The following ARSB variants were observed in gnomAD, a reference collection of about 807,000 sequenced individuals.
ARSB encodes N-acetylgalactosamine-4-sulfatase.
ARSB carries 41 observed loss-of-function variants against 50.9 expected under a neutral mutation model. That is an observed-to-expected ratio of 0.81 (90% CI 0.63 to 1.04). ARSB has a LOEUF of 1.04. Among genes scored for constraint, ARSB ranks in the 50% least tolerant of loss-of-function variants. The pLI is 0.00. For synonymous variants in ARSB, 269 were observed against 284.8 expected (o/e 0.94, Z 0.56); for missense variants, 672 against 693.3 (o/e 0.97, Z 0.35).
At chr5:78,927,311 C>T (rs1233111746) in intron 4 of ARSB, among the ~76,000 whole-genome samples, 2 of 152,096 alleles carry the variant, frequency 1.3e-5, no homozygotes, top group Non-Finnish European at 2.9e-5. Context: ...TTTACCCTTA[C>T]AGCACATCTC....
chr5:78,842,756 C>T (rs1581028690), intron 5 of ARSB, among the ~76,000 whole-genome samples: 3 of 141,134 alleles, frequency 2.1e-5, no homozygotes, highest in East Asian at 2.0e-4. Context: ...GGTGAGTTTT[C>T]TGTTTTTGTT....
At chr5:78,867,012 C>T (rs570013515) in intron 5 of ARSB, among the ~76,000 whole-genome samples, 2 of 152,314 alleles carry the variant, frequency 1.3e-5, no homozygotes, top group Non-Finnish European at 2.9e-5. Flanking sequence ...CTGGGAAGCG[C>T]AAGGGGTCAG....
At chr5:78,983,127 C>A (rs1039430434) in intron 1 of ARSB, among the ~76,000 whole-genome samples, 2 of 152,142 alleles carry the variant, frequency 1.3e-5, no homozygotes, top group African/African-American at 4.8e-5. Flanking sequence ...GATCTCGGCT[C>A]ACTGCAACCT....
chr5:78,956,222 G>C (rs770459492), intron 3 of ARSB, among the ~76,000 whole-genome samples: 28 of 152,162 alleles, frequency 1.8e-4, no homozygotes, highest in Non-Finnish European at 3.1e-4. Flanking sequence ...CTACAACATA[G>C]ATAAACCTTG....
At chr5:78,896,594 G>T (rs1247476242) in intron 4 of ARSB, among the ~76,000 whole-genome samples, 1 of 152,212 alleles carries the variant, frequency 6.6e-6, no homozygotes, top group Non-Finnish European at 1.5e-5. Context: ...TATAATAATT[G>T]TGTTAGGCTA....
chr5:78,937,447 C>A (rs555216105), intron 4 of ARSB, among the ~76,000 whole-genome samples: 1 of 139,874 alleles, frequency 7.1e-6, no homozygotes, highest in Non-Finnish European at 1.5e-5. Context: ...ATATATATAT[C>A]TTATATATAT....
intron 2 of ARSB, among the ~76,000 whole-genome samples, chr5:78,966,232 A>T (rs1419425207): frequency 3.3e-5 from 5 of 152,250 alleles, no homozygotes; most frequent in Non-Finnish European, 5.9e-5. Context: ...AAAACTATTC[A>T]CATACTTGGC....
At chr5:78,861,044 C>T (rs1746410293) in intron 5 of ARSB, among the ~76,000 whole-genome samples, 1 of 152,314 alleles carries the variant, frequency 6.6e-6, no homozygotes, top group South Asian at 2.1e-4. Flanking sequence ...CACACACACC[C>T]TCCCAAGACT....
intron 1 of ARSB, among the ~76,000 whole-genome samples, chr5:78,975,268 G>A (rs1266114226): frequency 2.0e-5 from 3 of 152,236 alleles, no homozygotes; most frequent in East Asian, 3.9e-4. Flanking sequence ...CAGGCAGAGC[G>A]CCTGCACCAC....
rs764459487 is a variant in ARSB at position 78,780,922 on chromosome 5, AG to A, written c.1337-261del. Among the ~76,000 whole-genome samples, 4 of 152,338 alleles carry A rather than the reference AG, an allele frequency of 2.6e-5. No individual in the cohort carries two copies. In the East Asian group the frequency reaches 7.7e-4, roughly 29 times the overall value. On this transcript the variant is annotated intron_variant, in intron 7 of 7. Transcript: ENST00000264914. ...GTCCTTGTCACAAGGACTAGGGCATAGGGGTGCTCCTGGCATTTAGTGGGCA... is the reference window on the plus strand; with the variant it reads ...GTCCTTGTCACAAGGACTAGGGCATAGGGTGCTCCTGGCATTTAGTGGGCA...
rs1215457855 is a variant in ARSB, at chr5:78,796,706, T to G, written c.1214-14732A>C. Among the ~76,000 whole-genome samples, 5 of 151,882 alleles carry G rather than the reference T, an allele frequency of 3.3e-5. No individual in the cohort carries two copies. The East Asian group carries it at 7.8e-4, about 24-fold the overall frequency. ...GTCTCACTCTGTCACCAGGCTGGAG[T>G]GCGGTGGCACAATCTTGGCTCACTG... is the stretch of plus-strand genomic sequence containing the variant. On this transcript the variant is annotated intron_variant, in intron 6 of 7. Transcript: ENST00000264914.
chr5:78,780,611 G>C lies in ARSB; in HGVS notation c.1388C>G (p.Pro463Arg). Reference sequence around the variant, plus strand: ...GGTCTTGGTTGGTGGGTCTGATGAGGGTATCTCAGAAACATTGTATTGAGA... The same window carrying C: ...GGTCTTGGTTGGTGGGTCTGATGAGCGTATCTCAGAAACATTGTATTGAGA... ...PPSQYNVSEI[P>R]SSDPPTKTLW... is the part of the protein sequence containing the mutation. Residue 463 changes from proline (P) to arginine (R), a missense_variant, in exon 8 of 8, where the codon CCC (proline) becomes CGC (arginine). By Grantham distance (103) the Pro-to-Arg change is moderately radical (BLOSUM62 -2). Transcript: ENST00000264914. The C allele has an allele frequency of 6.2e-7, 1 of 1,614,118 alleles. No individual in the cohort carries two copies.
intron 3 of ARSB, among the ~76,000 whole-genome samples, chr5:78,959,416 G>A (rs901349648): frequency 2.0e-5 from 3 of 151,578 alleles, no homozygotes; most frequent in Admixed American, 6.6e-5. Flanking sequence ...ATAACAGCGT[G>A]AGAATGGACT....
intron 6 of ARSB, among the ~76,000 whole-genome samples, chr5:78,805,577 G>C (rs1408476860): frequency 2.0e-5 from 3 of 152,186 alleles, no homozygotes; most frequent in Admixed American, 6.5e-5. Context: ...AGAAAGCAAG[G>C]CTCACTCTTC....
intron 1 of ARSB, among the ~76,000 whole-genome samples, chr5:78,972,543 A>ACACC (rs1361695118): frequency 9.6e-4 from 145 of 150,416 alleles, no homozygotes; most frequent in African/African-American, 2.8e-3. Flanking sequence ...ACACACACAC[A>ACACC]CCCCAAATCA....
chr5:78,932,964 A>C (rs904380393), intron 4 of ARSB, among the ~76,000 whole-genome samples: 1 of 152,308 alleles, frequency 6.6e-6, no homozygotes, highest in African/African-American at 2.4e-5. Context: ...CCTACTACGA[A>C]ACAGCACTTA....
Position 78,856,263 on chromosome 5 carries a change from C to T in ARSB, c.1143-16837G>A, listed in dbSNP as rs555486256. ...CTCTCTGGCCTTGTTATAGAGGTCA[C>T]CATATGTGATTACATGTTCTAAATT... is the stretch of plus-strand genomic sequence containing the variant. On this transcript the variant is annotated intron_variant, in intron 5 of 7. Transcript: ENST00000264914. Among the ~76,000 whole-genome samples, 4 of 152,248 alleles carry T rather than the reference C, an allele frequency of 2.6e-5. No homozygotes were observed. The East Asian group carries it at 7.7e-4, about 29-fold the overall frequency.
rs146721327 is a variant in ARSB, at chr5:78,926,174, C to A, written c.898+29121G>T. On this transcript the variant is annotated intron_variant, in intron 4 of 7. Transcript: ENST00000264914. ...TTGTATGTTATAATAACTTTTCTTC[C>A]GGCCATAATCCTATTTTTTATATGT... is the stretch of plus-strand genomic sequence containing the variant. Among the ~76,000 whole-genome samples, 8 of 152,160 alleles carry A rather than the reference C, an allele frequency of 5.3e-5. 1 individual carries two copies. In the South Asian group the frequency reaches 1.7e-3, roughly 32 times the overall value.
intron 1 of ARSB, among the ~76,000 whole-genome samples, chr5:78,974,930 T>A (rs1473291496): frequency 6.6e-6 from 1 of 152,086 alleles, no homozygotes; most frequent in Non-Finnish European, 1.5e-5. Context: ...CCTTTGTTTC[T>A]CCCCCTAAAG....
Sources: allele counts gnomAD v4.1 joint callset (sites outside exome capture counted in the v4.1 genomes callset), GRCh38; gene constraint gnomAD v4.1.1; transcripts MANE v1.5; gene names NCBI Gene and HGNC (gene_info 2026-07-23, HGNC 2026-07-21).